SYNE1: variants seen among roughly 807,000 people sequenced by gnomAD.
SYNE1 encodes nesprin-1.
Under a neutral mutation model 1,111.0 loss-of-function variants are expected in SYNE1, and 616 were observed. That is an observed-to-expected ratio of 0.55 (90% CI 0.52 to 0.59). The LOEUF (loss-of-function observed/expected upper bound fraction) is 0.59. Ranked by LOEUF, SYNE1 falls within the 20% of genes least tolerant of loss-of-function variation. SYNE1 has a pLI of 0.00. For missense variants in SYNE1, 10,006 were observed against 10,417.0 expected (o/e 0.96, Z 1.72); for synonymous variants, 3,855 against 3,825.8 (o/e 1.01, Z -0.28).
intron 3 of SYNE1, among the ~76,000 whole-genome samples, chr6:152,592,457 C>A (rs913341794): frequency 2.0e-5 from 3 of 152,136 alleles, no homozygotes; most frequent in Non-Finnish European, 4.4e-5. Context: ...AGCAAATTAA[C>A]ACAGGAATAG....
intron 2 of SYNE1, among the ~76,000 whole-genome samples, chr6:152,629,593 G>A (rs374059958): frequency 1.4e-5 from 2 of 147,512 alleles, no homozygotes; most frequent in Non-Finnish European, 3.0e-5. Flanking sequence ...GAGAGTAGTC[G>A]TTGAAATCTT....
intron 133 of SYNE1, 108 bp downstream of exon 133, chr6:152,154,784 T>G: frequency 2.4e-6 from 3 of 1,273,250 alleles, no homozygotes; most frequent in Non-Finnish European, 3.4e-6. Context: ...CGCAGCAATT[T>G]GAGCAGATAA....
rs1221163694 is a variant in SYNE1, at chr6:152,213,638, G to A, written c.22468C>T (p.Leu7490Phe). Residue 7490 changes from leucine to phenylalanine, a missense_variant, in exon 123 of 146, where the codon CTT becomes TTT. This residue lies in a region of SYNE1 where 2,182 missense variants were observed against 2,287.8 expected (regional missense o/e 0.95). Transcript: ENST00000367255. ...AVEISGNYQH[L>F]LEQQRAHELF... is the part of the protein sequence containing the mutation. Reference sequence around the variant, plus strand: ...TCGTGTGCTCTCTGCTGTTCCAAAAGGTGCTGATAATTTCCTGAAATCTCT... The same window carrying A: ...TCGTGTGCTCTCTGCTGTTCCAAAAAGTGCTGATAATTTCCTGAAATCTCT... 1.9e-6 allele frequency: 3 copies of A among 1,614,004 alleles called. No homozygotes were observed. The highest frequency in any genetic ancestry group is 1.7e-6 in the Non-Finnish European group (2 of 1,179,988).
intron 3 of SYNE1, among the ~76,000 whole-genome samples, chr6:152,625,005 A>C (rs150720233): frequency 5.3e-5 from 8 of 152,322 alleles, no homozygotes; most frequent in South Asian, 2.1e-4. Context: ...GGGAAAAAAA[A>C]CCTCAAACAC....
rs370706117 is a variant in SYNE1 at position 152,577,221 on chromosome 6, C to G, written c.68-37200G>C. ...GCTTTAAAGAAGTCACATTGCTAAC[C>G]TAGGGTGCATGGTTTTAGGCAGAAA... On this transcript the variant is annotated intron_variant, in intron 3 of 145. Transcript: ENST00000367255. 2.5e-4 allele frequency among the ~76,000 whole-genome samples: 38 copies of G among 152,248 alleles called. No homozygotes were observed. The East Asian group carries it at 4.1e-3, about 16-fold the overall frequency.
At chr6:152,176,313 T>C in intron 130 of SYNE1, 81 bp downstream of exon 130, 4 of 1,581,608 alleles carry the variant, frequency 2.5e-6, no homozygotes, top group Non-Finnish European at 3.5e-6. Flanking sequence ...ATTTATTGGA[T>C]TATCTTTGGC....
At chr6:152,290,571 A>G (rs1186167041) in intron 95 of SYNE1, among the ~76,000 whole-genome samples, 1 of 152,150 alleles carries the variant, frequency 6.6e-6, no homozygotes, top group Non-Finnish European at 1.5e-5. Flanking sequence ...AAAGAAATCT[A>G]TAAGACAATT....
chr6:152,627,381 G>A (rs1175633882), intron 3 of SYNE1, among the ~76,000 whole-genome samples: 9 of 152,034 alleles, frequency 5.9e-5, no homozygotes, highest in African/African-American at 9.7e-5. Flanking sequence ...AGCCGGGCAC[G>A]GTGGCTCATG....
At chr6:152,172,195 A>T (rs1463889595) in intron 130 of SYNE1, among the ~76,000 whole-genome samples, 1 of 152,176 alleles carries the variant, frequency 6.6e-6, no homozygotes, top group Non-Finnish European at 1.5e-5. Flanking sequence ...AGGGAAGAAA[A>T]GAGTGACGGC....
At chr6:152,324,037 G>A (rs1301020204) in intron 81 of SYNE1, among the ~76,000 whole-genome samples, 1 of 152,094 alleles carries the variant, frequency 6.6e-6, no homozygotes, top group Admixed American at 6.6e-5. Context: ...CAATATTTAA[G>A]TTAACATAAA....
At position 152,447,595 on chromosome 6, in the gene SYNE1, C is replaced by A; in HGVS notation, c.3532G>T (p.Gly1178Cys). The A allele has an allele frequency of 6.2e-7, 1 of 1,614,156 alleles. No homozygotes were observed. The highest frequency in any genetic ancestry group is 8.5e-7 in the Non-Finnish European group (1 of 1,180,018). Residue 1178 changes from glycine to cysteine, a missense_variant, in exon 29 of 146, where the codon GGT becomes TGT. Gly to Cys is a radical substitution (Grantham distance 159, BLOSUM62 -3). Coordinates refer to ENST00000367255, the MANE Select transcript of SYNE1 (RefSeq NM_182961.4). ...GATTTCAGCCAGCTGAGGGTCTCAC[C>A]CCTTTTGGTAACACCATTTCTGATC... Reference protein sequence around the residue: ...EEIRNGVTKRGETLSWLKSRL... With the variant: ...EEIRNGVTKRCETLSWLKSRL...
In SYNE1 at chr6:152,401,349, T is replaced by C. The variant is rs774843324; in HGVS notation, c.6826-8A>G. 4.3e-6 allele frequency: 7 copies of C among 1,612,312 alleles called. No individual in the cohort carries two copies. The highest frequency in any genetic ancestry group is 5.9e-6 in the Non-Finnish European group (7 of 1,179,380). Reference sequence around the variant, plus strand: ...TAAGTCTGCTTCTATAAACTAAATATCAAGCAAGATTTCATCAATATCTCT... The same window carrying C: ...TAAGTCTGCTTCTATAAACTAAATACCAAGCAAGATTTCATCAATATCTCT... On this transcript the variant is annotated splice_polypyrimidine_tract_variant and splice_region_variant and intron_variant, in intron 46 of 145. Coordinates refer to ENST00000367255, the MANE Select transcript of SYNE1 (RefSeq NM_182961.4).
chr6:152,428,292 G>T lies in SYNE1; in HGVS notation c.4889C>A (p.Ala1630Glu), dbSNP rs566004273. 5 of 1,614,060 alleles carry T rather than the reference G, an allele frequency of 3.1e-6. No individual in the cohort carries two copies. Among genetic ancestry groups the T allele is most frequent in the Non-Finnish European group, 3.4e-6 (4 of 1,180,018 alleles). The change falls in exon 37 of 146, where the codon GCG becomes GAG. Residue 1630 changes from alanine (A) to glutamate (E), a missense_variant. Around this residue, in one of 7 missense-constraint regions of SYNE1, gnomAD observed 1,971 missense variants for 2,084.1 expected, o/e 0.95. Coordinates refer to ENST00000367255, the MANE Select transcript of SYNE1 (RefSeq NM_182961.4). ...GTCCTCGTATTGCTGCTGTAGAGCC[G>T]CAGCCTCCTGAACACAGGAATCTCT... The part of the protein sequence containing the change: ...VNRDSCVQEA[A>E]ALQQQYEDIL...
At chr6:152,607,108 C>G (rs967928199) in intron 3 of SYNE1, among the ~76,000 whole-genome samples, 6 of 151,268 alleles carry the variant, frequency 4.0e-5, no homozygotes, top group East Asian at 2.0e-4. Flanking sequence ...CCTCAGCCCC[C>G]CCAGTAGGTG....
chr6:152,496,168 C>T (rs887753461), intron 11 of SYNE1, among the ~76,000 whole-genome samples: 1 of 152,150 alleles, frequency 6.6e-6, no homozygotes, highest in African/African-American at 2.4e-5. Flanking sequence ...GCTTCCTCTT[C>T]CCCTCATGAC....
chr6:152,587,856 C>T (rs888295347), intron 3 of SYNE1, among the ~76,000 whole-genome samples: 3 of 152,058 alleles, frequency 2.0e-5, no homozygotes, highest in Admixed American at 6.6e-5. Flanking sequence ...AACCATTGTC[C>T]GGAAGAAATT....
intron 87 of SYNE1, among the ~76,000 whole-genome samples, chr6:152,313,282 G>T (rs1562984605): frequency 6.6e-6 from 1 of 152,224 alleles, no homozygotes; most frequent in East Asian, 1.9e-4. Context: ...TAAGGCCTGG[G>T]TATCTTCAGT....
At chr6:152,437,022 C>T (rs758217783) in intron 32 of SYNE1, among the ~76,000 whole-genome samples, 1 of 151,368 alleles carries the variant, frequency 6.6e-6, no homozygotes, top group Non-Finnish European at 1.5e-5. Context: ...AAAAAAGTGA[C>T]CAGGCATGAT....
chr6:152,373,927 CACA>C (rs1196147694), intron 58 of SYNE1, among the ~76,000 whole-genome samples: 2 of 152,288 alleles, frequency 1.3e-5, no homozygotes, highest in East Asian at 3.9e-4. Flanking sequence ...AAAGAGTAAA[CACA>C]ACCAGGGACA....
Sources: gnomAD v4.1 joint callset for allele counts (sites outside exome capture counted in the v4.1 genomes callset) on GRCh38, gnomAD v4.1.1 for gene constraint, gnomAD v4.1.1 regional missense constraint, MANE v1.5 for transcripts, NCBI Gene and HGNC (gene_info 2026-07-23, HGNC 2026-07-21) for gene names.